Variants in GRB2 observed in about 807,000 individuals in gnomAD.
GRB2 encodes the protein growth factor receptor bound protein 2, also known as growth factor receptor-bound protein 2.
GRB2 carries 2 observed loss-of-function variants against 27.4 expected under a neutral mutation model. The observed-to-expected ratio is 0.07, with a 90% CI of 0.03 to 0.23. GRB2 has a LOEUF of 0.23. GRB2 is among the 10% of genes least tolerant of loss of function. The probability of loss-of-function intolerance (pLI) is 1.00; values close to 1 mark genes in which losing one functional copy is unlikely to be tolerated. For synonymous variants in GRB2, 94 were observed against 99.6 expected (o/e 0.94, Z 0.33); for missense variants, 102 against 282.4 (o/e 0.36, Z 4.58).
At chr17:75,323,176 A>G in intron 4 of GRB2, among the ~76,000 whole-genome samples, 1 of 151,686 alleles carries the variant, frequency 6.6e-6, no homozygotes, top group African/African-American at 2.4e-5. Flanking sequence ...CAATGAATGA[A>G]TGAGTCCCTC....
At chr17:75,357,240 A>G (rs2078739306) in intron 2 of GRB2, among the ~76,000 whole-genome samples, 1 of 152,232 alleles carries the variant, frequency 6.6e-6, no homozygotes, top group Non-Finnish European at 1.5e-5. Flanking sequence ...TAGTTAAGTC[A>G]GAAATGTCAC....
chr17:75,354,272 G>GT lies in GRB2; in HGVS notation c.79-21476_79-21475insA, dbSNP rs1555610726. Among the ~76,000 whole-genome samples, 6 of 126,600 alleles carry GT rather than the reference G, an allele frequency of 4.7e-5. 1 individual carries two copies. Among genetic ancestry groups the GT allele is most frequent in the Non-Finnish European group, 8.6e-5 (5 of 58,280 alleles). 83.1% of individuals were successfully genotyped at this position (126,600 alleles called of 152,430 possible). A position where few individuals can be genotyped will look rare whatever the true frequency, so the allele number is the denominator to read the frequency against. ...TTCATGGTCTTTTTTTTTGGGGGGG[G>GT]GGGGGAGATGGAGTTTCACTCTTGT... On this transcript the variant is annotated intron_variant, in intron 2 of 5. Coordinates refer to ENST00000316804, the MANE Select transcript of GRB2 (RefSeq NM_002086.5).
At chr17:75,384,782 A>G (rs1186774357) in intron 2 of GRB2, among the ~76,000 whole-genome samples, 1 of 152,104 alleles carries the variant, frequency 6.6e-6, no homozygotes, top group Non-Finnish European at 1.5e-5. Flanking sequence ...GGAGACAACA[A>G]TTACTCCTTG....
intron 2 of GRB2, among the ~76,000 whole-genome samples, chr17:75,337,908 T>TCC (rs2078591313): frequency 8.4e-6 from 1 of 119,154 alleles, no homozygotes; most frequent in Non-Finnish European, 1.8e-5. Flanking sequence ...CTACTATTAT[T>TCC]ATTATTATTA....
chr17:75,357,689 G>A (rs1041055074), intron 2 of GRB2, among the ~76,000 whole-genome samples: 21 of 152,178 alleles, frequency 1.4e-4, no homozygotes, highest in Non-Finnish European at 2.9e-4. Context: ...GGGAGGCCGA[G>A]GAGAGTAAAT....
chr17:75,392,156 C>T lies in GRB2; in HGVS notation c.78+1395G>A, dbSNP rs561673201. Among the ~76,000 whole-genome samples, 5 of 152,330 alleles carry T rather than the reference C, an allele frequency of 3.3e-5. No individual in the cohort carries two copies. In the South Asian group the frequency reaches 1.0e-3, roughly 32 times the overall value. On this transcript the variant is annotated intron_variant, in intron 2 of 5. Coordinates refer to ENST00000316804, the MANE Select transcript of GRB2 (RefSeq NM_002086.5). ...AATGAAAACTGAGGAATTTTGTAGT[C>T]TAAGTTAACTTTGCCCTGATCTCTA...
At chr17:75,399,068 G>A (rs2079046880) in intron 1 of GRB2, among the ~76,000 whole-genome samples, 1 of 151,804 alleles carries the variant, frequency 6.6e-6, no homozygotes, top group Admixed American at 6.6e-5. Flanking sequence ...TATTATTTGA[G>A]ACAGAGTCTC....
intron 3 of GRB2, among the ~76,000 whole-genome samples, chr17:75,328,591 G>A (rs935273299): frequency 4.6e-5 from 7 of 152,016 alleles, no homozygotes; most frequent in Admixed American, 6.6e-5. Flanking sequence ...GCGGTGAGCC[G>A]AGATCGTGCC....
At chr17:75,340,979 G>A (rs1363486567) in intron 2 of GRB2, among the ~76,000 whole-genome samples, 2 of 152,136 alleles carry the variant, frequency 1.3e-5, no homozygotes, top group African/African-American at 4.8e-5. Context: ...TCTCACATAT[G>A]CCGAGCAGAT....
chr17:75,375,828 A>C (rs1208714003), intron 2 of GRB2, among the ~76,000 whole-genome samples: 6 of 151,324 alleles, frequency 4.0e-5, no homozygotes, highest in Non-Finnish European at 8.8e-5. Flanking sequence ...GATCGAGACC[A>C]TCCTGGCTAA....
chr17:75,386,115 GAATA>G (rs1021600504), intron 2 of GRB2, among the ~76,000 whole-genome samples: 9 of 151,754 alleles, frequency 5.9e-5, no homozygotes, highest in Non-Finnish European at 1.0e-4. Context: ...GAGTTTCTTA[GAATA>G]AATTCTTTTT....
intron 3 of GRB2, 29 bp downstream of exon 3, chr17:75,332,671 C>A (rs2078549228): frequency 7.5e-7 from 1 of 1,332,704 alleles, no homozygotes; most frequent in Non-Finnish European, 1.1e-6. Flanking sequence ...TGGGTCCAAC[C>A]CTTCCAAGAC....
At chr17:75,331,994 A>G (rs1472467383) in intron 3 of GRB2, among the ~76,000 whole-genome samples, 2 of 152,096 alleles carry the variant, frequency 1.3e-5, no homozygotes, top group Non-Finnish European at 2.9e-5. Flanking sequence ...TTCTAGTCTG[A>G]GCGTGGAAAG....
At chr17:75,362,974 C>T (rs1284813345) in intron 2 of GRB2, among the ~76,000 whole-genome samples, 1 of 152,116 alleles carries the variant, frequency 6.6e-6, no homozygotes, top group Non-Finnish European at 1.5e-5. Flanking sequence ...ATTATGACTG[C>T]TTGAGGTGGG....
At chr17:75,398,264 CTTTTA>C (rs771591685) in intron 1 of GRB2, among the ~76,000 whole-genome samples, 3 of 152,030 alleles carry the variant, frequency 2.0e-5, no homozygotes, top group Non-Finnish European at 4.4e-5. Context: ...AGTAAACACA[CTTTTA>C]TTTATTTATT....
chr17:75,362,940 G>C (rs2078794497), intron 2 of GRB2, among the ~76,000 whole-genome samples: 3 of 152,192 alleles, frequency 2.0e-5, no homozygotes. Flanking sequence ...AGAGGGCTAA[G>C]CCTAGGGAAT....
At chr17:75,395,521 A>G (rs1366741175) in intron 1 of GRB2, among the ~76,000 whole-genome samples, 1 of 152,210 alleles carries the variant, frequency 6.6e-6, no homozygotes, top group Non-Finnish European at 1.5e-5. Context: ...TAAAAGGCTT[A>G]TGAAAAAGAG....
At chr17:75,340,721 A>G (rs954918505) in intron 2 of GRB2, among the ~76,000 whole-genome samples, 1 of 152,202 alleles carries the variant, frequency 6.6e-6, no homozygotes, top group Non-Finnish European at 1.5e-5. Context: ...ATAGTGATTC[A>G]TTACTAACAC....
rs1242095589 is a variant in GRB2 at position 75,401,447 on chromosome 17, G to A, written c.-138+4042C>T. Among the ~76,000 whole-genome samples the A allele has an allele frequency of 5.8e-4, 44 of 76,284 alleles. No homozygotes were observed. In the South Asian group the frequency reaches 0.02, roughly 34 times the overall value. The allele number at this position is 76,284 out of a possible 152,430, so 50.0% of individuals were successfully genotyped here. A position where few individuals can be genotyped will look rare whatever the true frequency, so the allele number is the denominator to read the frequency against. On this transcript the variant is annotated intron_variant, in intron 1 of 5. Transcript: ENST00000316804. ...GGCCTGGGCGACAGAGCGAGACTCC[G>A]TCTCAAAAAAAAAAAAAAAAAAAAA...
Sources: gnomAD v4.1 joint callset for allele counts (sites outside exome capture counted in the v4.1 genomes callset) on GRCh38, gnomAD v4.1.1 for gene constraint, MANE v1.5 for transcripts, NCBI Gene and HGNC (gene_info 2026-07-23, HGNC 2026-07-21) for gene names.